USH2A: variants seen among roughly 807,000 people sequenced by gnomAD.
The protein encoded by USH2A is Usher syndrome 2A (autosomal recessive, mild).
USH2A carries 443 observed loss-of-function variants against 538.9 expected under a neutral mutation model. The observed-to-expected ratio is 0.82, with a 90% CI of 0.76 to 0.89. The LOEUF (loss-of-function observed/expected upper bound fraction) is 0.89. USH2A is among the 40% of genes least tolerant of loss of function. USH2A has a pLI of 0.00. For missense variants in USH2A, 6,633 were observed against 6,324.8 expected, an observed-to-expected ratio of 1.05 and a Z score of -1.65; for synonymous variants, 2,413 against 2,273.5, an observed-to-expected ratio of 1.06 and a Z score of -1.75.
At position 215,624,844 on chromosome 1, in the gene USH2A, A is replaced by AGAT. The variant is rs1288219738; in HGVS notation, c.*934_*936dup. On this transcript the variant is annotated 3_prime_UTR_variant, in exon 72 of 72. Transcript: ENST00000307340. ...TATATATGTTAATGCTAGAAGGAAC[A>AGAT]GATACATTTTTCCTTTTAAAATTTC... 1 of 152,204 alleles carries AGAT rather than the reference A, an allele frequency of 6.6e-6. No individual in the cohort carries two copies. The highest frequency in any genetic ancestry group is 1.5e-5 in the Non-Finnish European group (1 of 68,046). The allele number at this position is 152,204 out of a possible 1,614,324, so 9.4% of individuals were successfully genotyped here. A position where few individuals can be genotyped will look rare whatever the true frequency, so the allele number is the denominator to read the frequency against.
At chr1:215,998,278 C>A (rs942971571) in intron 34 of USH2A, among the ~76,000 whole-genome samples, 1 of 151,794 alleles carries the variant, frequency 6.6e-6, no homozygotes, top group Admixed American at 6.6e-5. Context: ...GTATAAATTC[C>A]ACAGTAATAT....
chr1:216,066,233 G>A (rs903793934), intron 30 of USH2A, among the ~76,000 whole-genome samples: 1 of 152,006 alleles, frequency 6.6e-6, no homozygotes, highest in African/African-American at 2.4e-5. Context: ...CACTTTGGGA[G>A]GCCAAGGTGG....
chr1:215,758,736 CTAACTTG>C lies in USH2A; in HGVS notation c.11241_11247del (p.Tyr3747Ter), dbSNP rs765417051. On this transcript the variant is annotated frameshift_variant, in exon 58 of 72. Coordinates refer to ENST00000307340, the MANE Select transcript of USH2A (RefSeq NM_206933.4). LOFTEE classifies it high-confidence loss of function. ...CTGCTGCCACCTCCAGTTTTGACTTCTAACTTGTAAGTGTATCTATATTTAAAAAGAA... is the reference window on the plus strand; with the variant it reads ...CTGCTGCCACCTCCAGTTTTGACTTCTAAGTGTATCTATATTTAAAAAGAA... The C allele has an allele frequency of 6.2e-7, 1 of 1,613,902 alleles. No homozygotes were observed. The highest frequency in any genetic ancestry group is 8.5e-7 in the Non-Finnish European group (1 of 1,179,928).
At chr1:215,672,569 T>G (rs1288049614) in intron 63 of USH2A, among the ~76,000 whole-genome samples, 1 of 152,186 alleles carries the variant, frequency 6.6e-6, no homozygotes, top group Non-Finnish European at 1.5e-5. Context: ...TAAAGATTAT[T>G]CATTTTCTGG....
At chr1:216,093,912 C>T (rs2032373863) in intron 22 of USH2A, among the ~76,000 whole-genome samples, 1 of 152,200 alleles carries the variant, frequency 6.6e-6, no homozygotes, top group Non-Finnish European at 1.5e-5. Flanking sequence ...CCCTAAACCA[C>T]TCTATGACCG....
In USH2A at chr1:215,642,410, C is replaced by A. The variant is rs112970963; in HGVS notation, c.14792-1676G>T. 1.5e-3 allele frequency among the ~76,000 whole-genome samples: 225 copies of A among 152,226 alleles called. 1 individual carries two copies. The highest frequency in any genetic ancestry group is 5.3e-3 in the African/African-American group (220 of 41,540). ...AATAAGGCCCATGCTACTTTGTTAT[C>A]ATCGGTACACATTTGTTGAAAAGAA... On this transcript the variant is annotated intron_variant, in intron 67 of 71. Coordinates refer to ENST00000307340, the MANE Select transcript of USH2A (RefSeq NM_206933.4).
At chr1:216,066,069 T>G (rs1362678415) in intron 30 of USH2A, among the ~76,000 whole-genome samples, 1 of 152,108 alleles carries the variant, frequency 6.6e-6, no homozygotes, top group East Asian at 1.9e-4. Context: ...AATTTGCAAT[T>G]TTTTTCAAGT....
intron 35 of USH2A, among the ~76,000 whole-genome samples, chr1:215,977,616 G>A (rs995098566): frequency 2.0e-5 from 3 of 152,030 alleles, no homozygotes; most frequent in African/African-American, 7.2e-5. Context: ...CGAATTAAGC[G>A]ATTCCCTTGC....
intron 32 of USH2A, among the ~76,000 whole-genome samples, chr1:216,045,323 T>A (rs2030464904): frequency 6.6e-6 from 1 of 152,154 alleles, no homozygotes; most frequent in South Asian, 2.1e-4. Flanking sequence ...ACAGGCAGCA[T>A]ACATAATGCA....
intron 37 of USH2A, among the ~76,000 whole-genome samples, chr1:215,939,650 T>C (rs1229340716): frequency 3.3e-5 from 5 of 152,154 alleles, no homozygotes; most frequent in Admixed American, 3.3e-4. Flanking sequence ...AAATGATTGC[T>C]GTCTCGAGAA....
intron 38 of USH2A, among the ~76,000 whole-genome samples, chr1:215,919,871 A>C (rs576692519): frequency 1.4e-4 from 21 of 152,164 alleles, no homozygotes; most frequent in African/African-American, 5.1e-4. Flanking sequence ...GCATCCAGTC[A>C]CTAGTTCTAC....
intron 21 of USH2A, among the ~76,000 whole-genome samples, chr1:216,148,330 A>G (rs2033755919): frequency 6.6e-6 from 1 of 151,860 alleles, no homozygotes; most frequent in African/African-American, 2.4e-5. Flanking sequence ...TAACTAAATT[A>G]TCTGCTTCCC....
intron 37 of USH2A, among the ~76,000 whole-genome samples, chr1:215,938,476 G>A (rs1266277719): frequency 6.6e-6 from 1 of 152,058 alleles, no homozygotes; most frequent in Non-Finnish European, 1.5e-5. Context: ...GTTGTGCTTT[G>A]CCACTTTTCA....
chr1:216,038,827 A>G (rs1029046805), intron 32 of USH2A, among the ~76,000 whole-genome samples: 3 of 152,036 alleles, frequency 2.0e-5, no homozygotes, highest in African/African-American at 7.2e-5. Context: ...AACACTTTCA[A>G]CTGAAGGACA....
chr1:216,013,103 ACT>A (rs1343471944), intron 32 of USH2A, among the ~76,000 whole-genome samples: 1 of 151,910 alleles, frequency 6.6e-6, no homozygotes, highest in Non-Finnish European at 1.5e-5. Context: ...CTCCTTAGGC[ACT>A]CTCTAATCAG....
Position 215,625,499 on chromosome 1 carries a change from C to T in USH2A, c.*282G>A. ...TTCAGTTAACCAGGAGCATCACTGC[C>T]AAACAGAACCAAGTGACAATTACAT... is the stretch of plus-strand genomic sequence containing the variant. On this transcript the variant is annotated 3_prime_UTR_variant, in exon 72 of 72. Transcript: ENST00000307340. 1 of 452,518 alleles carries T rather than the reference C, an allele frequency of 2.2e-6. No homozygotes were observed. 28.0% of individuals were successfully genotyped at this position (452,518 alleles called of 1,614,324 possible).
At chr1:216,047,013 G>T (rs1316052173) in intron 31 of USH2A, among the ~76,000 whole-genome samples, 5 of 152,124 alleles carry the variant, frequency 3.3e-5, no homozygotes, top group Non-Finnish European at 5.9e-5. Context: ...GATAAGAATT[G>T]CCAGAGCTCG....
intron 37 of USH2A, among the ~76,000 whole-genome samples, chr1:215,947,601 A>C (rs1666790535): frequency 6.6e-6 from 1 of 152,320 alleles, no homozygotes; most frequent in South Asian, 2.1e-4. Context: ...CAGAAGGCAC[A>C]GATTCTGTTT....
intron 58 of USH2A, among the ~76,000 whole-genome samples, chr1:215,756,306 A>G (rs1660792276): frequency 6.6e-6 from 1 of 152,196 alleles, no homozygotes; most frequent in Non-Finnish European, 1.5e-5. Context: ...ATAGTCATAA[A>G]ATAAAGATAT....
Sources: gnomAD v4.1 joint callset for allele counts (sites outside exome capture counted in the v4.1 genomes callset) on GRCh38, gnomAD v4.1.1 for gene constraint, MANE v1.5 for transcripts, NCBI Gene and HGNC (gene_info 2026-07-23, HGNC 2026-07-21) for gene names.